The following LNPK variants were observed in gnomAD, a reference collection of about 807,000 sequenced individuals.
LNPK encodes endoplasmic reticulum junction formation protein lunapark.
In LNPK, 29 loss-of-function variants were observed where a neutral mutation model predicts 55.2. That is an observed-to-expected ratio of 0.53 (90% CI 0.39 to 0.72). The LOEUF is 0.72. Among genes scored for constraint, LNPK ranks in the 30% least tolerant of loss-of-function variants. The pLI, the probability that LNPK is intolerant of heterozygous loss-of-function variation, is 0.00. For missense variants in LNPK, 467 were observed against 494.8 expected, an observed-to-expected ratio of 0.94 and a Z score of 0.53; for synonymous variants, 162 against 168.2, an observed-to-expected ratio of 0.96 and a Z score of 0.29.
At chr2:175,992,152 C>T in intron 4 of LNPK, 79 bp downstream of exon 4, 1 of 871,682 alleles carries the variant, frequency 1.1e-6, no homozygotes, top group Non-Finnish European at 1.7e-6. Context: ...AATAAAGAGA[C>T]CGAATATACA....
At chr2:175,995,804 C>CTTTTTTTTTTTTTTTTTTT (rs10674444) in intron 1 of LNPK, among the ~76,000 whole-genome samples, 158 bp from the exon 2 acceptor site, 1 of 66,398 alleles carries the variant, frequency 1.5e-5, no homozygotes, top group Non-Finnish European at 2.6e-5. Flanking sequence ...TAGAGTCTAC[C>CTTTTTTTTTTTTTTTTTTT]TTTTTTTTTT....
chr2:175,944,040 A>G (rs1018844394), intron 9 of LNPK, among the ~76,000 whole-genome samples: 5 of 152,186 alleles, frequency 3.3e-5, no homozygotes, highest in Non-Finnish European at 5.9e-5. Context: ...AATCTACAAA[A>G]AAGTTATACT....
At position 175,930,029 on chromosome 2, in the gene LNPK, C is replaced by G; in HGVS notation, c.1225G>C (p.Val409Leu). The change falls in exon 13 of 13, where the codon GTT becomes CTT. Residue 409 changes from valine (V) to leucine (L), a missense_variant. Coordinates refer to ENST00000272748, the MANE Select transcript of LNPK (RefSeq NM_030650.3). ...TCAGGAATAGAATCAGCTCCAGGAACTGTGGAGTTGGTTTCAATCACTGAG... is the reference window on the plus strand; with the variant it reads ...TCAGGAATAGAATCAGCTCCAGGAAGTGTGGAGTTGGTTTCAATCACTGAG... ...EASVIETNST[V>L]PGADSIPDPE... is the part of the protein sequence containing the mutation. 1 of 1,614,030 alleles carries G rather than the reference C, an allele frequency of 6.2e-7. No homozygotes were observed. Among genetic ancestry groups the G allele is most frequent in the Non-Finnish European group, 8.5e-7 (1 of 1,179,934 alleles).
intron 12 of LNPK, 37 bp downstream of exon 12, chr2:175,937,307 T>C: frequency 2.5e-6 from 4 of 1,573,424 alleles, no homozygotes; most frequent in Non-Finnish European, 3.5e-6. Context: ...AAATAACACA[T>C]GTTATTAAGG....
At position 175,930,780 on chromosome 2, in the gene LNPK, TCTC is replaced by T. The variant is rs1684247398; in HGVS notation, c.1055-584_1055-582del. 4.6e-5 allele frequency among the ~76,000 whole-genome samples: 7 copies of T among 152,060 alleles called. No homozygotes were observed. In the South Asian group the frequency reaches 8.3e-4, roughly 18 times the overall value. On this transcript the variant is annotated intron_variant, in intron 12 of 12. Transcript: ENST00000272748. ...ATCTTTTCCAAAGGCATGACTAGTC[TCTC>T]CTCATCCCTCTGCAAGACAAGTCCT...
At chr2:175,974,101 G>A (rs563409364) in intron 5 of LNPK, among the ~76,000 whole-genome samples, 76 of 152,014 alleles carry the variant, frequency 5.0e-4, no homozygotes, top group African/African-American at 1.8e-3. Context: ...CTGTGAGTTG[G>A]GAATATGATG....
At chr2:175,964,448 C>G (rs781246208) in intron 7 of LNPK, 25 bp from the exon 8 acceptor site, 1 of 1,605,758 alleles carries the variant, frequency 6.2e-7, no homozygotes, top group Admixed American at 1.7e-5. Flanking sequence ...AATGTTATTA[C>G]AGTGACCTAT....
At chr2:175,979,946 AT>A in intron 4 of LNPK, 78 bp from the exon 5 acceptor site, 1 of 1,313,490 alleles carries the variant, frequency 7.6e-7, no homozygotes, top group Non-Finnish European at 1.0e-6. Context: ...ATGAAAACAT[AT>A]ATTTCCAATT....
At chr2:175,994,175 T>A (rs970446606) in intron 2 of LNPK, 2 of 981,142 alleles carry the variant, frequency 2.0e-6, no homozygotes, top group Non-Finnish European at 2.4e-6. Context: ...TGAATATCAG[T>A]TCATTGTAGT....
rs565088365 is a variant in LNPK, at chr2:175,992,328, A to G, written c.160T>C (p.Tyr54His). The part of the protein sequence containing the change: ...GRLILYSSVL[Y>H]LFTCLIVYLW... ...TATACAATTAAGCATGTAAACAGAT[A>G]GAGAACTGAGGAATACAGAATTAAT... Residue 54 changes from tyrosine (Y) to histidine (H), a missense_variant, in exon 4 of 13, where the codon TAT (tyrosine) becomes CAT (histidine). Tyr to His is a moderately conservative substitution (Grantham distance 83). Transcript: ENST00000272748. The G allele has an allele frequency of 6.4e-7, 1 of 1,563,176 alleles. No individual in the cohort carries two copies. The highest frequency in any genetic ancestry group is 2.0e-5 in the Admixed American group (1 of 49,824).
chr2:175,960,232 C>A, intron 8 of LNPK, among the ~76,000 whole-genome samples: 1 of 152,302 alleles, frequency 6.6e-6, no homozygotes. Context: ...ACAGAACTCT[C>A]CACCCCAAAT....
chr2:175,947,807 A>T (rs1356171743), intron 8 of LNPK, 115 bp from the exon 9 acceptor site: 9 of 574,926 alleles, frequency 1.6e-5, no homozygotes, highest in Non-Finnish European at 3.0e-6. Flanking sequence ...TAGTGTCAAA[A>T]TTACTTATAA....
At chr2:175,974,481 G>C (rs1686798257) in intron 5 of LNPK, among the ~76,000 whole-genome samples, 1 of 152,174 alleles carries the variant, frequency 6.6e-6, no homozygotes, top group Non-Finnish European at 1.5e-5. Context: ...TTCTGCTATT[G>C]TAGGATGAAC....
chr2:175,972,742 A>G (rs1193932737), intron 5 of LNPK, among the ~76,000 whole-genome samples: 1 of 152,238 alleles, frequency 6.6e-6, no homozygotes, highest in African/African-American at 2.4e-5. Flanking sequence ...ATATCAATCC[A>G]CAGGCATAGG....
intron 4 of LNPK, among the ~76,000 whole-genome samples, chr2:175,988,104 CT>C (rs1256495637): frequency 6.6e-6 from 1 of 152,142 alleles, no homozygotes; most frequent in Non-Finnish European, 1.5e-5. Context: ...TTTGTTACCT[CT>C]TTCACCCTTT....
intron 6 of LNPK, among the ~76,000 whole-genome samples, chr2:175,966,807 G>A (rs1486720485): frequency 6.6e-6 from 1 of 152,150 alleles, no homozygotes; most frequent in East Asian, 1.9e-4. Context: ...TTAGAAGATT[G>A]TTAGCACTTT....
chr2:175,991,371 A>G (rs1232301475), intron 4 of LNPK, among the ~76,000 whole-genome samples: 2 of 152,234 alleles, frequency 1.3e-5, no homozygotes, highest in African/African-American at 4.8e-5. Flanking sequence ...AGTAGCAGAG[A>G]TAATTATTTT....
At chr2:175,941,090 A>G in intron 9 of LNPK, 1 of 398,226 alleles carries the variant, frequency 2.5e-6, no homozygotes, top group Non-Finnish European at 4.9e-6. Flanking sequence ...TCTACAAAAA[A>G]AAATACAAAA....
At chr2:175,966,410 G>A (rs947718444) in intron 6 of LNPK, among the ~76,000 whole-genome samples, 5 of 152,126 alleles carry the variant, frequency 3.3e-5, no homozygotes, top group African/African-American at 1.2e-4. Flanking sequence ...CAGTCATACT[G>A]ATTTGGACAG....
Sources: gnomAD v4.1 joint callset for allele counts (sites outside exome capture counted in the v4.1 genomes callset) on GRCh38, gnomAD v4.1.1 for gene constraint, MANE v1.5 for transcripts, NCBI Gene and HGNC (gene_info 2026-07-23, HGNC 2026-07-21) for gene names.